The following GPR158 variants were observed in gnomAD, a reference collection of about 807,000 sequenced individuals.
GPR158 encodes G protein-coupled receptor 158.
In GPR158, 30 loss-of-function variants were observed where a neutral mutation model predicts 78.2. The ratio of observed to expected loss-of-function variants is 0.38; its 90% CI spans 0.29 to 0.52. GPR158 has a LOEUF of 0.52. Among genes scored for constraint, GPR158 ranks in the 20% least tolerant of loss-of-function variants. GPR158 has a pLI of 0.83. For synonymous variants in GPR158, 581 were observed against 591.1 expected, an observed-to-expected ratio of 0.98 and a Z score of 0.25; for missense variants, 1,463 against 1,523.5, an observed-to-expected ratio of 0.96 and a Z score of 0.66.
At chr10:25,409,840 A>T (rs1010730880) in intron 3 of GPR158, among the ~76,000 whole-genome samples, 1 of 152,182 alleles carries the variant, frequency 6.6e-6, no homozygotes, top group Non-Finnish European at 1.5e-5. Flanking sequence ...TATCATAATT[A>T]TTCCTATCAA....
chr10:25,584,835 G>A (rs1837245947), intron 7 of GPR158, among the ~76,000 whole-genome samples: 1 of 152,208 alleles, frequency 6.6e-6, no homozygotes, highest in African/African-American at 2.4e-5. Context: ...GTTTATCTGA[G>A]CGAAGATCAA....
intron 2 of GPR158, among the ~76,000 whole-genome samples, chr10:25,231,427 A>G (rs1295114987): frequency 6.6e-6 from 1 of 152,170 alleles, no homozygotes; most frequent in Non-Finnish European, 1.5e-5. Context: ...AGATAAATCA[A>G]TTTTCCAGCT....
intron 5 of GPR158, among the ~76,000 whole-genome samples, chr10:25,472,253 G>C (rs1835517433): frequency 6.6e-6 from 1 of 151,946 alleles, no homozygotes; most frequent in South Asian, 2.1e-4. Flanking sequence ...TGTCAGGTTT[G>C]TCAAAGATCA....
rs1228864364 is a variant in GPR158, at chr10:25,598,638, G to A, written c.3012G>A (p.Gly1004=). The A allele has an allele frequency of 6.2e-7, 1 of 1,614,058 alleles. No homozygotes were observed. Among genetic ancestry groups the A allele is most frequent in the Admixed American group, 1.7e-5 (1 of 60,012 alleles). ...AGATGAAGGACAACTTTGACATTGG[G>A]GAGGTGTGTCCTTGGGAGGTTTATG... ...TTQMKDNFDI[G]EVCPWEVYDL... is the part of the protein sequence containing the mutation. Residue 1004 remains glycine (G), a synonymous_variant, in exon 11 of 11, where the codon GGG becomes GGA. Coordinates refer to ENST00000376351, the MANE Select transcript of GPR158 (RefSeq NM_020752.3).
chr10:25,421,037 A>G (rs1028642367), intron 4 of GPR158, among the ~76,000 whole-genome samples: 1 of 152,194 alleles, frequency 6.6e-6, no homozygotes, highest in African/African-American at 2.4e-5. Context: ...TTTAATCTGT[A>G]GATTGCTTTG....
In GPR158 at chr10:25,430,418, T is replaced by C. The variant is rs545305773; in HGVS notation, c.1335+17945T>C. 8.1e-3 allele frequency among the ~76,000 whole-genome samples: 1,227 copies of C among 150,702 alleles called. 11 individuals carry two copies. The highest frequency in any genetic ancestry group is 0.028 in the African/African-American group (1,145 of 40,868). On this transcript the variant is annotated intron_variant, in intron 4 of 10. Coordinates refer to ENST00000376351, the MANE Select transcript of GPR158 (RefSeq NM_020752.3). Reference sequence around the variant, plus strand: ...TCATGGGTAGGAAGAATCAATATCGTGAAAATGGCCATACTTCCCAAGGTA... The same window carrying C: ...TCATGGGTAGGAAGAATCAATATCGCGAAAATGGCCATACTTCCCAAGGTA...
At chr10:25,547,686 T>C (rs1331980932) in intron 5 of GPR158, among the ~76,000 whole-genome samples, 1 of 152,164 alleles carries the variant, frequency 6.6e-6, no homozygotes, top group African/African-American at 2.4e-5. Flanking sequence ...GACATCATTG[T>C]TCTTATGAGC....
At chr10:25,559,413 T>C (rs990164240) in intron 6 of GPR158, among the ~76,000 whole-genome samples, 10 of 152,210 alleles carry the variant, frequency 6.6e-5, no homozygotes, top group Non-Finnish European at 1.2e-4. Context: ...TCATCTGAAA[T>C]ATGTAGCAAT....
At chr10:25,309,629 C>G (rs1854734796) in intron 2 of GPR158, among the ~76,000 whole-genome samples, 1 of 152,050 alleles carries the variant, frequency 6.6e-6, no homozygotes, top group Admixed American at 6.6e-5. Context: ...CAAATCTAAT[C>G]TTGAATTGTA....
At chr10:25,481,303 T>C (rs1835661314) in intron 5 of GPR158, among the ~76,000 whole-genome samples, 1 of 152,132 alleles carries the variant, frequency 6.6e-6, no homozygotes, top group Non-Finnish European at 1.5e-5. Context: ...GTGTGGCCGC[T>C]GCACGCCAAG....
intron 4 of GPR158, among the ~76,000 whole-genome samples, chr10:25,434,542 A>G (rs989366955): frequency 6.6e-6 from 1 of 152,240 alleles, no homozygotes; most frequent in Non-Finnish European, 1.5e-5. Flanking sequence ...TTGCACAGTT[A>G]TAAATTAATG....
intron 2 of GPR158, among the ~76,000 whole-genome samples, chr10:25,293,413 G>T (rs933912001): frequency 5.3e-5 from 8 of 152,172 alleles, no homozygotes; most frequent in Admixed American, 2.0e-4. Flanking sequence ...TCACAATAAG[G>T]TGAATCCTTG....
At chr10:25,491,818 T>C (rs1016025035) in intron 5 of GPR158, among the ~76,000 whole-genome samples, 2 of 152,206 alleles carry the variant, frequency 1.3e-5, no homozygotes, top group East Asian at 3.9e-4. Context: ...GCTATTTAGC[T>C]TATCATTATA....
chr10:25,304,125 T>C (rs535244785), intron 2 of GPR158, among the ~76,000 whole-genome samples: 10 of 151,944 alleles, frequency 6.6e-5, no homozygotes, highest in African/African-American at 2.2e-4. Context: ...TTTTTTCGTT[T>C]ACTTGTTTGT....
chr10:25,431,505 C>T (rs1055264247), intron 4 of GPR158, among the ~76,000 whole-genome samples: 1 of 143,406 alleles, frequency 7.0e-6, no homozygotes, highest in African/African-American at 2.6e-5. Context: ...CATCCCATTA[C>T]TGGGTATATA....
chr10:25,191,835 T>C (rs980702691), intron 1 of GPR158, among the ~76,000 whole-genome samples: 2 of 152,288 alleles, frequency 1.3e-5, no homozygotes, highest in East Asian at 1.9e-4. Flanking sequence ...ATCACTTGGC[T>C]GTATACTCCT....
intron 4 of GPR158, among the ~76,000 whole-genome samples, chr10:25,428,836 A>G (rs1834857776): frequency 6.6e-6 from 1 of 152,042 alleles, no homozygotes; most frequent in Non-Finnish European, 1.5e-5. Flanking sequence ...ATAACAGTTT[A>G]TTTTCATGCA....
At chr10:25,532,634 A>C (rs1469755871) in intron 5 of GPR158, among the ~76,000 whole-genome samples, 1 of 151,340 alleles carries the variant, frequency 6.6e-6, no homozygotes, top group Non-Finnish European at 1.5e-5. Flanking sequence ...TGTAGAAAAC[A>C]CCCTCCATTC....
chr10:25,351,850 G>T (rs2130520210), intron 2 of GPR158, among the ~76,000 whole-genome samples: 1 of 151,416 alleles, frequency 6.6e-6, no homozygotes, highest in Non-Finnish European at 1.5e-5. Flanking sequence ...CATCACCTAG[G>T]TATCAAGCCC....
Sources: gnomAD v4.1 joint callset for allele counts (sites outside exome capture counted in the v4.1 genomes callset) on GRCh38, gnomAD v4.1.1 for gene constraint, MANE v1.5 for transcripts, NCBI Gene and HGNC (gene_info 2026-07-23, HGNC 2026-07-21) for gene names.